MLLT3: variants seen among roughly 807,000 people sequenced by gnomAD.
The protein encoded by MLLT3 is MLLT3 super elongation complex subunit, also known as protein AF-9.
In MLLT3, 4 loss-of-function variants were observed where a neutral mutation model predicts 53.2. The observed-to-expected ratio is 0.08, with a 90% CI of 0.04 to 0.17. MLLT3 has a LOEUF of 0.17. MLLT3 is among the 10% of genes least tolerant of loss of function. MLLT3 has a pLI of 1.00. For missense variants in MLLT3, 569 were observed against 684.0 expected, an observed-to-expected ratio of 0.83 and a Z score of 1.87; for synonymous variants, 283 against 230.6, an observed-to-expected ratio of 1.23 and a Z score of -2.06.
chr9:20,354,038 C>T (rs935974007), intron 9 of MLLT3, among the ~76,000 whole-genome samples: 2 of 151,946 alleles, frequency 1.3e-5, no homozygotes, highest in African/African-American at 4.8e-5. Flanking sequence ...ATGTACATTA[C>T]CAATTAAGTC....
At chr9:20,524,061 G>A (rs1818137793) in intron 2 of MLLT3, among the ~76,000 whole-genome samples, 1 of 151,912 alleles carries the variant, frequency 6.6e-6, no homozygotes, top group Admixed American at 6.6e-5. Context: ...AATAGGTAGA[G>A]CACAGTGGAT....
At chr9:20,378,890 A>G (rs1298031139) in intron 5 of MLLT3, among the ~76,000 whole-genome samples, 2 of 152,040 alleles carry the variant, frequency 1.3e-5, no homozygotes, top group Non-Finnish European at 2.9e-5. Flanking sequence ...AGCCCCTTTA[A>G]AAATGTGGTA....
At chr9:20,350,589 C>T (rs972814941) in intron 10 of MLLT3, among the ~76,000 whole-genome samples, 3 of 69,424 alleles carry the variant, frequency 4.3e-5, no homozygotes, top group African/African-American at 3.0e-4. Flanking sequence ...AGCGAGACTC[C>T]GTCTCAAAAA....
chr9:20,482,885 A>G (rs1274251521), intron 2 of MLLT3, among the ~76,000 whole-genome samples: 1 of 152,208 alleles, frequency 6.6e-6, no homozygotes, highest in Non-Finnish European at 1.5e-5. Flanking sequence ...CATGAGTTTA[A>G]CACATTACCC....
At chr9:20,472,908 CAA>C (rs11436085) in intron 2 of MLLT3, among the ~76,000 whole-genome samples, 3 of 136,890 alleles carry the variant, frequency 2.2e-5, no homozygotes, top group Admixed American at 7.3e-5. Context: ...ACTATGCTAA[CAA>C]AAAAAAAAAA....
In MLLT3 at chr9:20,501,757, CAAAAAAAAAAAA is replaced by C. The variant is rs936828819; in HGVS notation, c.194-44983_194-44972del. On this transcript the variant is annotated intron_variant, in intron 2 of 10. Transcript: ENST00000380338. ...TGGGCGACAGAGCGAGACTCCGTCT[CAAAAAAAAAAAA>C]AAAAAAAAAAAAAAAAACCGCACCC... Among the ~76,000 whole-genome samples the C allele has an allele frequency of 4.7e-3, 87 of 18,594 alleles. 1 individual carries two copies. The highest frequency in any genetic ancestry group is 0.011 in the East Asian group (5 of 452). The allele number at this position is 18,594 out of a possible 152,430, so 12.2% of individuals were successfully genotyped here. A position where few individuals can be genotyped will look rare whatever the true frequency, so the allele number is the denominator to read the frequency against.
At chr9:20,466,249 G>T (rs932498497) in intron 2 of MLLT3, among the ~76,000 whole-genome samples, 1 of 152,098 alleles carries the variant, frequency 6.6e-6, no homozygotes, top group Admixed American at 6.6e-5. Context: ...ATGCTCCAGT[G>T]ATTATTTCCT....
At chr9:20,608,333 T>C (rs904899408) in intron 2 of MLLT3, among the ~76,000 whole-genome samples, 4 of 151,886 alleles carry the variant, frequency 2.6e-5, no homozygotes, top group African/African-American at 9.7e-5. Context: ...CACAGCAAGA[T>C]AGACATGTTA....
intron 5 of MLLT3, among the ~76,000 whole-genome samples, chr9:20,380,831 T>C (rs1400333562): frequency 6.6e-6 from 1 of 151,986 alleles, no homozygotes; most frequent in African/African-American, 2.4e-5. Flanking sequence ...GCTGGAAACT[T>C]GAAAGTCAAA....
At chr9:20,349,432 T>C (rs1820956052) in intron 10 of MLLT3, among the ~76,000 whole-genome samples, 1 of 152,112 alleles carries the variant, frequency 6.6e-6, no homozygotes, top group South Asian at 2.1e-4. Context: ...GACCTGATGC[T>C]TTTTCCTCTC....
intron 2 of MLLT3, among the ~76,000 whole-genome samples, chr9:20,572,489 T>G (rs941716974): frequency 1.3e-5 from 2 of 152,160 alleles, no homozygotes; most frequent in Non-Finnish European, 2.9e-5. Context: ...TGTTATTTAT[T>G]TATATATTAA....
At chr9:20,614,165 C>T (rs1426511456) in intron 2 of MLLT3, among the ~76,000 whole-genome samples, 3 of 152,080 alleles carry the variant, frequency 2.0e-5, no homozygotes, top group Non-Finnish European at 4.4e-5. Context: ...AAGGCCAAGG[C>T]GGGAGGATCA....
intron 3 of MLLT3, among the ~76,000 whole-genome samples, chr9:20,451,787 C>G (rs1283466250): frequency 6.6e-6 from 1 of 152,222 alleles, no homozygotes; most frequent in Non-Finnish European, 1.5e-5. Context: ...CATTTACTCT[C>G]TCTTTTCTGA....
At chr9:20,481,374 C>A (rs1245651429) in intron 2 of MLLT3, among the ~76,000 whole-genome samples, 1 of 152,120 alleles carries the variant, frequency 6.6e-6, no homozygotes, top group Non-Finnish European at 1.5e-5. Context: ...GGACCTCAGA[C>A]CAAAAACAAT....
rs548949343 is a variant in MLLT3 at position 20,346,577 on chromosome 9, A to G, written c.1576-3T>C. On this transcript the variant is annotated splice_polypyrimidine_tract_variant and splice_region_variant and intron_variant, in intron 10 of 10. Coordinates refer to ENST00000380338, the MANE Select transcript of MLLT3 (RefSeq NM_004529.4). ...GTTTCTTCTATAAGGTTCACGATCT[A>G]GAGGAGTGAAGAAGAGAAAGTTTGG... The G allele has an allele frequency of 4.2e-5, 68 of 1,610,646 alleles. 1 individual carries two copies. The Admixed American group carries it at 1.1e-3, about 27-fold the overall frequency.
chr9:20,466,501 TCAAA>T (rs1824241503), intron 2 of MLLT3, among the ~76,000 whole-genome samples: 1 of 152,190 alleles, frequency 6.6e-6, no homozygotes, highest in Non-Finnish European at 1.5e-5. Context: ...CTTGCTCCTA[TCAAA>T]CATAGTATCA....
chr9:20,354,473 T>C (rs957658226), intron 9 of MLLT3, among the ~76,000 whole-genome samples: 1 of 152,250 alleles, frequency 6.6e-6, no homozygotes, highest in African/African-American at 2.4e-5. Context: ...CACACTGCAC[T>C]AGCATCAGAT....
chr9:20,367,909 C>A (rs1486762949), intron 5 of MLLT3, among the ~76,000 whole-genome samples: 1 of 152,166 alleles, frequency 6.6e-6, no homozygotes, highest in Non-Finnish European at 1.5e-5. Flanking sequence ...AAGGTAGCAC[C>A]AGGCTCTACC....
At chr9:20,429,730 T>A (rs1005351215) in intron 4 of MLLT3, among the ~76,000 whole-genome samples, 2 of 152,114 alleles carry the variant, frequency 1.3e-5, no homozygotes, top group Non-Finnish European at 2.9e-5. Flanking sequence ...CAAAAATTCA[T>A]CCATGGTTTT....
Sources: allele counts gnomAD v4.1 joint callset (sites outside exome capture counted in the v4.1 genomes callset), GRCh38; gene constraint gnomAD v4.1.1; transcripts MANE v1.5; gene names NCBI Gene and HGNC (gene_info 2026-07-23, HGNC 2026-07-21).